Variants in RPA3 observed in about 807,000 individuals in gnomAD.
RPA3 encodes the protein replication protein A3, also known as replication protein A 14 kDa subunit.
A neutral mutation model predicts 13.7 loss-of-function variants in RPA3; 24 were observed. The ratio of observed to expected loss-of-function variants is 1.75; its 90% CI spans 1.27 to 2.46. RPA3 has a LOEUF of 2.46. Ranked by LOEUF, RPA3 falls within the 30% of genes most tolerant of loss-of-function variation. RPA3 has a pLI of 0.00. For missense variants in RPA3, 183 were observed against 151.0 expected (o/e 1.21, Z -1.11); for synonymous variants, 59 against 51.2 (o/e 1.15, Z -0.65).
At chr7:7,655,790 G>T (rs922984428) in intron 4 of RPA3, among the ~76,000 whole-genome samples, 1 of 151,554 alleles carries the variant, frequency 6.6e-6, no homozygotes, top group Non-Finnish European at 1.5e-5. Flanking sequence ...ATTTTTGTAG[G>T]TATATAGTAA....
chr7:7,676,468 A>G (rs866522944), intron 4 of RPA3, among the ~76,000 whole-genome samples: 2 of 152,160 alleles, frequency 1.3e-5, no homozygotes, highest in African/African-American at 4.8e-5. Flanking sequence ...AAACCACTGA[A>G]CTATCCATCT....
At position 7,687,334 on chromosome 7, in the gene RPA3, C is replaced by G. The variant is rs961647454; in HGVS notation, c.-1027-6G>C. On this transcript the variant is annotated splice_polypyrimidine_tract_variant and splice_region_variant and intron_variant, in intron 2 of 7. Transcript: ENST00000223129. ...AAAGGAAACTGTACACAGATCTGCA[C>G]TGACAAAAGGGAGTACAAAGAACTT... 3 of 152,220 alleles carry G rather than the reference C, an allele frequency of 2.0e-5. No individual in the cohort carries two copies. Among genetic ancestry groups the G allele is most frequent in the African/African-American group, 7.2e-5 (3 of 41,444 alleles). 9.4% of individuals were successfully genotyped at this position (152,220 alleles called of 1,614,324 possible). A position where few individuals can be genotyped will look rare whatever the true frequency, so the allele number is the denominator to read the frequency against.
At chr7:7,671,933 TTCC>T (rs1452956230) in intron 4 of RPA3, among the ~76,000 whole-genome samples, 1 of 152,212 alleles carries the variant, frequency 6.6e-6, no homozygotes, top group African/African-American at 2.4e-5. Context: ...CCATTTTGAA[TTCC>T]TTTTTTAAAA....
At chr7:7,658,633 A>G (rs1007207918) in intron 4 of RPA3, among the ~76,000 whole-genome samples, 1 of 152,190 alleles carries the variant, frequency 6.6e-6, no homozygotes, top group Non-Finnish European at 1.5e-5. Flanking sequence ...GTGTATGTTG[A>G]ACCAGCCTTG....
Position 7,688,162 on chromosome 7 carries a change from A to G in RPA3, c.-1027-834T>C, listed in dbSNP as rs959752597. Among the ~76,000 whole-genome samples the G allele has an allele frequency of 2.1e-4, 32 of 152,214 alleles. 1 individual carries two copies. The highest frequency in any genetic ancestry group is 1.3e-4 in the Admixed American group (2 of 15,276). On this transcript the variant is annotated intron_variant, in intron 2 of 7. Coordinates refer to ENST00000223129, the MANE Select transcript of RPA3 (RefSeq NM_002947.5). ...TTTTTGGGGGGAGAACATTCCCTGC[A>G]TTACATCAGATTCTCAAAGATCTGT...
At chr7:7,713,044 A>G (rs1161597212) in intron 2 of RPA3, among the ~76,000 whole-genome samples, 1 of 152,118 alleles carries the variant, frequency 6.6e-6, no homozygotes, top group East Asian at 1.9e-4. Flanking sequence ...TGCTCATTCA[A>G]AAAATATTCT....
intron 2 of RPA3, among the ~76,000 whole-genome samples, chr7:7,710,152 A>G (rs935276405): frequency 6.6e-6 from 1 of 152,120 alleles, no homozygotes; most frequent in Non-Finnish European, 1.5e-5. Flanking sequence ...TTGACATTCC[A>G]TTGATGAATA....
chr7:7,644,108 G>A (rs1360154996), intron 4 of RPA3, among the ~76,000 whole-genome samples: 2 of 152,080 alleles, frequency 1.3e-5, no homozygotes, highest in Non-Finnish European at 2.9e-5. Context: ...GGCAACTCTT[G>A]GAGTTTTTTC....
chr7:7,714,807 G>A (rs184446589), intron 2 of RPA3, among the ~76,000 whole-genome samples: 9 of 151,246 alleles, frequency 6.0e-5, no homozygotes, highest in Non-Finnish European at 1.5e-5. Context: ...CACTTGTGTA[G>A]AGTAATTTTT....
At chr7:7,709,702 T>A (rs1396208209) in intron 2 of RPA3, among the ~76,000 whole-genome samples, 5 of 152,244 alleles carry the variant, frequency 3.3e-5, no homozygotes, top group African/African-American at 1.2e-4. Flanking sequence ...GAGGGTAAGA[T>A]CTTTAAAGTG....
intron 4 of RPA3, among the ~76,000 whole-genome samples, chr7:7,663,120 C>G (rs948561496): frequency 4.6e-5 from 7 of 151,552 alleles, no homozygotes; most frequent in African/African-American, 1.7e-4. Context: ...GTATAATGCT[C>G]TCAATCTTTT....
chr7:7,698,904 T>A (rs897265171), intron 2 of RPA3, among the ~76,000 whole-genome samples: 14 of 146,398 alleles, frequency 9.6e-5, no homozygotes, highest in African/African-American at 3.3e-4. Flanking sequence ...AGTCTCACCC[T>A]GTTGCCCAGG....
At chr7:7,678,460 A>AATAT (rs545168491) in intron 4 of RPA3, among the ~76,000 whole-genome samples, 3,243 of 142,272 alleles carry the variant, frequency 0.023, 92 homozygotes, top group South Asian at 0.094. Context: ...TTATATAATA[A>AATAT]ATATATATTT....
chr7:7,677,952 C>T (rs925126722), intron 4 of RPA3, among the ~76,000 whole-genome samples: 4 of 151,964 alleles, frequency 2.6e-5, no homozygotes, highest in Admixed American at 1.3e-4. Context: ...GGATTACAGG[C>T]GTGAGCCACC....
chr7:7,693,499 G>A (rs1780230934), intron 2 of RPA3, among the ~76,000 whole-genome samples: 1 of 152,078 alleles, frequency 6.6e-6, no homozygotes, highest in South Asian at 2.1e-4. Context: ...TCTCTCTCAT[G>A]TTTTCCTGGA....
At chr7:7,673,491 A>G in intron 4 of RPA3, 1 of 699,206 alleles carries the variant, frequency 1.4e-6, no homozygotes, top group Non-Finnish European at 2.5e-6. Context: ...TAGATGAATT[A>G]TGTTCTCTTT....
intron 4 of RPA3, among the ~76,000 whole-genome samples, chr7:7,642,326 T>G (rs2115541625): frequency 6.6e-6 from 1 of 151,004 alleles, no homozygotes; most frequent in Admixed American, 6.6e-5. Context: ...TTGTTGTTTG[T>G]TTTTTTTTGT....
intron 7 of RPA3, among the ~76,000 whole-genome samples, chr7:7,637,368 T>G (rs1470277620): frequency 3.0e-4 from 45 of 152,148 alleles, no homozygotes; most frequent in Non-Finnish European, 4.4e-5. Flanking sequence ...ACAAAAAAAC[T>G]AATACTATTT....
intron 2 of RPA3, among the ~76,000 whole-genome samples, chr7:7,700,203 T>C (rs1209291980): frequency 6.6e-6 from 1 of 152,186 alleles, no homozygotes; most frequent in Non-Finnish European, 1.5e-5. Context: ...GGGCCTTCTT[T>C]CTGTTCATAG....
Sources: gnomAD v4.1 joint callset for allele counts (sites outside exome capture counted in the v4.1 genomes callset) on GRCh38, gnomAD v4.1.1 for gene constraint, MANE v1.5 for transcripts, NCBI Gene and HGNC (gene_info 2026-07-23, HGNC 2026-07-21) for gene names.